Variants in CDH12 observed in about 807,000 individuals in gnomAD.
The protein encoded by CDH12 is cadherin-12.
CDH12 carries 41 observed loss-of-function variants against 74.1 expected under a neutral mutation model. That is an observed-to-expected ratio of 0.55 (90% CI 0.43 to 0.72). CDH12 has a LOEUF of 0.72. Among genes scored for constraint, CDH12 ranks in the 30% least tolerant of loss-of-function variants. CDH12 has a pLI of 0.00. For synonymous variants in CDH12, 399 were observed against 355.0 expected (o/e 1.12, Z -1.39); for missense variants, 945 against 977.2 (o/e 0.97, Z 0.44).
At chr5:22,409,373 A>C (rs929774081) in intron 2 of CDH12, among the ~76,000 whole-genome samples, 7 of 152,078 alleles carry the variant, frequency 4.6e-5, no homozygotes, top group African/African-American at 1.7e-4. Flanking sequence ...ATAAATTAAA[A>C]ATATAATAAA....
At chr5:22,642,381 C>T (rs1739198079) in intron 1 of CDH12, among the ~76,000 whole-genome samples, 1 of 152,126 alleles carries the variant, frequency 6.6e-6, no homozygotes, top group Non-Finnish European at 1.5e-5. Flanking sequence ...AGTCTTTCTG[C>T]TTCATTTGGT....
At chr5:22,011,555 G>A (rs1464331436) in intron 5 of CDH12, among the ~76,000 whole-genome samples, 1 of 152,130 alleles carries the variant, frequency 6.6e-6, no homozygotes, top group Non-Finnish European at 1.5e-5. Flanking sequence ...TTTGTGGATA[G>A]ACAGAACACT....
chr5:22,624,970 C>T (rs1226922485), intron 1 of CDH12, among the ~76,000 whole-genome samples: 3 of 152,164 alleles, frequency 2.0e-5, no homozygotes, highest in Non-Finnish European at 2.9e-5. Context: ...CCATGGAATA[C>T]TATGCAGCCA....
intron 1 of CDH12, among the ~76,000 whole-genome samples, chr5:22,698,107 C>T (rs185473985): frequency 1.2e-4 from 16 of 138,392 alleles, no homozygotes; most frequent in African/African-American, 2.4e-4. Flanking sequence ...CCTTAATGCC[C>T]GCATAAAGGC....
intron 1 of CDH12, among the ~76,000 whole-genome samples, chr5:22,575,396 AT>A (rs35316807): frequency 0.17 from 24,296 of 143,370 alleles, 2,353 homozygotes; most frequent in East Asian, 0.37. Context: ...GGTTTGAAAC[AT>A]TTTTTTTTTT....
At chr5:22,737,809 G>T (rs964293323) in intron 1 of CDH12, among the ~76,000 whole-genome samples, 10 of 151,936 alleles carry the variant, frequency 6.6e-5, no homozygotes, top group Admixed American at 3.3e-4. Context: ...ATTATTGATC[G>T]AATAGTGCAG....
chr5:21,791,682 TAA>T (rs34771574), intron 10 of CDH12, among the ~76,000 whole-genome samples: 1,643 of 147,556 alleles, frequency 0.011, 34 homozygotes, highest in African/African-American at 0.036. Flanking sequence ...TGATTGTTGC[TAA>T]AAAAAAAAAA....
chr5:22,378,447 C>G (rs1008462611), intron 3 of CDH12, among the ~76,000 whole-genome samples: 1 of 151,772 alleles, frequency 6.6e-6, no homozygotes, highest in African/African-American at 2.4e-5. Flanking sequence ...GCATAGTGGA[C>G]GTATATAACA....
chr5:22,815,743 T>G (rs1749356973), intron 1 of CDH12, among the ~76,000 whole-genome samples: 2 of 145,674 alleles, frequency 1.4e-5, no homozygotes, highest in African/African-American at 5.0e-5. Context: ...GCACTCCAGC[T>G]TGGGTGACAG....
chr5:22,446,828 A>G (rs1744834196), intron 2 of CDH12, among the ~76,000 whole-genome samples: 2 of 152,154 alleles, frequency 1.3e-5, no homozygotes, highest in South Asian at 4.1e-4. Flanking sequence ...CAAATTGTAA[A>G]CATTAAATAT....
intron 2 of CDH12, among the ~76,000 whole-genome samples, chr5:22,476,549 A>G (rs974049076): frequency 2.6e-5 from 4 of 152,020 alleles, no homozygotes; most frequent in African/African-American, 7.2e-5. Context: ...ATCCCTCACA[A>G]TCCTGCTACC....
intron 1 of CDH12, among the ~76,000 whole-genome samples, chr5:22,788,432 G>A (rs1248632336): frequency 6.6e-6 from 1 of 151,168 alleles, no homozygotes; most frequent in Non-Finnish European, 1.5e-5. Flanking sequence ...AAGGAAAAGA[G>A]GTGAAATCGA....
At chr5:21,795,250 G>A (rs1746717075) in intron 10 of CDH12, among the ~76,000 whole-genome samples, 1 of 151,534 alleles carries the variant, frequency 6.6e-6, no homozygotes, top group Non-Finnish European at 1.5e-5. Context: ...TTAATTATTA[G>A]AGACAATTGT....
chr5:22,783,382 T>C (rs1747475834), intron 1 of CDH12, among the ~76,000 whole-genome samples: 1 of 152,146 alleles, frequency 6.6e-6, no homozygotes, highest in Admixed American at 6.6e-5. Flanking sequence ...CGACCTTTGC[T>C]TAGTTTCACG....
intron 2 of CDH12, among the ~76,000 whole-genome samples, chr5:22,476,686 A>C (rs1266620504): frequency 6.6e-6 from 1 of 152,278 alleles, no homozygotes; most frequent in South Asian, 2.1e-4. Context: ...AAGTAATGTT[A>C]ATATATTGAA....
At chr5:21,826,490 G>A (rs1561217602) in intron 8 of CDH12, among the ~76,000 whole-genome samples, 1 of 152,070 alleles carries the variant, frequency 6.6e-6, no homozygotes, top group East Asian at 1.9e-4. Context: ...CACCATCACA[G>A]ACTCATACTT....
chr5:21,901,681 C>A (rs1471346533), intron 6 of CDH12, among the ~76,000 whole-genome samples: 1 of 152,118 alleles, frequency 6.6e-6, no homozygotes, highest in East Asian at 1.9e-4. Context: ...AGATTCATTT[C>A]AACCAGCCAC....
intron 1 of CDH12, among the ~76,000 whole-genome samples, chr5:22,852,030 TA>T (rs1180255087): frequency 6.6e-6 from 1 of 152,164 alleles, no homozygotes; most frequent in Non-Finnish European, 1.5e-5. Context: ...ATGTATAGTG[TA>T]ATTTAAAACT....
chr5:22,043,394 A>G (rs912226735), intron 5 of CDH12, among the ~76,000 whole-genome samples: 1 of 152,184 alleles, frequency 6.6e-6, no homozygotes, highest in African/African-American at 2.4e-5. Flanking sequence ...AAAATTCAAC[A>G]TCCCTTCCCA....
Sources: gnomAD v4.1 joint callset for allele counts (sites outside exome capture counted in the v4.1 genomes callset) on GRCh38, gnomAD v4.1.1 for gene constraint, MANE v1.5 for transcripts, NCBI Gene and HGNC (gene_info 2026-07-23, HGNC 2026-07-21) for gene names.